CDH4: variants seen among roughly 807,000 people sequenced by gnomAD.
CDH4 encodes cadherin 4.
CDH4 carries 33 observed loss-of-function variants against 86.0 expected under a neutral mutation model. That is an observed-to-expected ratio of 0.38 (90% CI 0.29 to 0.51). The LOEUF is 0.51. Ranked by LOEUF, CDH4 falls within the 20% of genes least tolerant of loss-of-function variation. The probability of loss-of-function intolerance (pLI) is 0.86; values close to 1 mark genes in which losing one functional copy is unlikely to be tolerated. For missense variants in CDH4, 1,114 were observed against 1,307.4 expected (o/e 0.85, Z 2.28); for synonymous variants, 555 against 549.4 (o/e 1.01, Z -0.14).
chr20:61,638,466 G>T (rs1051224582), intron 2 of CDH4, among the ~76,000 whole-genome samples: 2 of 152,160 alleles, frequency 1.3e-5, no homozygotes, highest in African/African-American at 4.8e-5. Context: ...GAACAGAAGA[G>T]CAGGAAGTGT....
rs2087794321 is a variant in CDH4 at position 61,703,174 on chromosome 20, T to C, written c.170-40389T>C. Among the ~76,000 whole-genome samples the C allele has an allele frequency of 2.0e-5, 3 of 152,322 alleles. No individual in the cohort carries two copies. Among genetic ancestry groups the C allele is most frequent in the Middle Eastern group, 3.4e-3 (1 of 294 alleles). On this transcript the variant is annotated intron_variant, in intron 2 of 15. Transcript: ENST00000614565. This position sits in a 1 kb window ranked among gnomAD's most constrained non-coding sequence, Gnocchi z 4.3. ...AAGCTGTGATCAGAAGTGGGGGCTCTTGGACGAGCTCAGAACACACAGGCC... is the reference window on the plus strand; with the variant it reads ...AAGCTGTGATCAGAAGTGGGGGCTCCTGGACGAGCTCAGAACACACAGGCC...
chr20:61,357,799 G>A (rs921432083), intron 2 of CDH4, among the ~76,000 whole-genome samples: 4 of 152,302 alleles, frequency 2.6e-5, no homozygotes, highest in South Asian at 2.1e-4. Context: ...AAGCAGACCC[G>A]TGTGCCAGCC....
intron 3 of CDH4, among the ~76,000 whole-genome samples, chr20:61,748,911 A>G (rs965887749): frequency 2.8e-5 from 2 of 71,648 alleles, no homozygotes; most frequent in African/African-American, 1.5e-4. Context: ...AACAGAATAG[A>G]TGGGCTACAC....
intron 2 of CDH4, among the ~76,000 whole-genome samples, chr20:61,537,293 C>A (rs902564034): frequency 1.3e-5 from 2 of 152,062 alleles, no homozygotes; most frequent in African/African-American, 4.8e-5. Flanking sequence ...TTTACTTATC[C>A]TTCATTGCTT....
At chr20:61,394,597 G>A (rs1357183386) in intron 2 of CDH4, among the ~76,000 whole-genome samples, 2 of 151,726 alleles carry the variant, frequency 1.3e-5, no homozygotes, top group African/African-American at 4.8e-5. Context: ...GGCGGGGTGA[G>A]GACTGCGGCC....
chr20:61,274,390 G>C (rs1251636785), intron 2 of CDH4, among the ~76,000 whole-genome samples: 1 of 89,544 alleles, frequency 1.1e-5, no homozygotes, highest in Non-Finnish European at 2.2e-5. Context: ...GTGCAGTTTG[G>C]GGGGAGTACT....
At chr20:61,588,770 C>T (rs1475229257) in intron 2 of CDH4, among the ~76,000 whole-genome samples, 1 of 152,232 alleles carries the variant, frequency 6.6e-6, no homozygotes, top group East Asian at 1.9e-4. Flanking sequence ...TCCGTTCTGT[C>T]TTTCCCGAGA....
chr20:61,277,048 C>T (rs2123154980), intron 2 of CDH4, among the ~76,000 whole-genome samples: 1 of 152,288 alleles, frequency 6.6e-6, no homozygotes, highest in South Asian at 2.1e-4. Flanking sequence ...GTCACACGCC[C>T]ACCCCCTTCT....
chr20:61,613,730 T>C (rs1400960343), intron 2 of CDH4, among the ~76,000 whole-genome samples: 1 of 152,086 alleles, frequency 6.6e-6, no homozygotes, highest in African/African-American at 2.4e-5. Flanking sequence ...TGCTTTCTAC[T>C]TGAGCCCTTG....
chr20:61,461,247 A>G (rs1340197842), intron 2 of CDH4, among the ~76,000 whole-genome samples: 1 of 152,172 alleles, frequency 6.6e-6, no homozygotes, highest in Non-Finnish European at 1.5e-5. Flanking sequence ...CATCAGCAAG[A>G]AAGACAGCAA....
intron 2 of CDH4, among the ~76,000 whole-genome samples, chr20:61,271,614 C>T (rs1236816995): frequency 6.6e-6 from 1 of 152,228 alleles, no homozygotes; most frequent in Non-Finnish European, 1.5e-5. Flanking sequence ...ACATCCCAAA[C>T]ATCTCCCACG....
intron 2 of CDH4, chr20:61,718,593 G>A (rs2145908858): frequency 2.8e-6 from 1 of 354,946 alleles, no homozygotes; most frequent in Non-Finnish European, 5.6e-6. Context: ...TCACAGGGCA[G>A]AGCGCTGCAG....
chr20:61,443,227 G>T (rs2085323598), intron 2 of CDH4, among the ~76,000 whole-genome samples: 1 of 152,202 alleles, frequency 6.6e-6, no homozygotes, highest in African/African-American at 2.4e-5. Context: ...GTCGCAGAGT[G>T]GTTAATGCTC....
At chr20:61,543,617 G>T in intron 2 of CDH4, among the ~76,000 whole-genome samples, 1 of 152,270 alleles carries the variant, frequency 6.6e-6, no homozygotes, top group South Asian at 2.1e-4. Flanking sequence ...AGCTGATGGC[G>T]CCTTTATGAT....
intron 10 of CDH4, 28 bp downstream of exon 10, chr20:61,923,732 T>C (rs1440105387): frequency 2.5e-5 from 40 of 1,606,274 alleles, no homozygotes; most frequent in Non-Finnish European, 3.3e-5. Context: ...GCCTCGTCCC[T>C]GCCTGCAGCT....
rs563774611 is a variant in CDH4, at chr20:61,770,611, C to T, written c.397-2392C>T. Reference sequence around the variant, plus strand: ...AGGAAACACAGAAAGGGTTCAGGCGCGGTGGCTCACACCTGTAATCCCAGC... The same window carrying T: ...AGGAAACACAGAAAGGGTTCAGGCGTGGTGGCTCACACCTGTAATCCCAGC... On this transcript the variant is annotated intron_variant, in intron 3 of 15. Transcript: ENST00000614565. Among the ~76,000 whole-genome samples, 410 of 152,310 alleles carry T rather than the reference C, an allele frequency of 2.7e-3. 1 individual carries two copies. The highest frequency in any genetic ancestry group is 3.9e-3 in the Non-Finnish European group (266 of 68,026).
chr20:61,712,602 A>G (rs559529596), intron 2 of CDH4, among the ~76,000 whole-genome samples: 2 of 152,146 alleles, frequency 1.3e-5, no homozygotes, highest in African/African-American at 4.8e-5. Flanking sequence ...TAAAGCCTGG[A>G]TCAAATAACT....
intron 2 of CDH4, among the ~76,000 whole-genome samples, chr20:61,677,901 ATGATAGG>A (rs1214068167): frequency 6.6e-6 from 1 of 152,152 alleles, no homozygotes; most frequent in Non-Finnish European, 1.5e-5. Flanking sequence ...TGGATGATAA[ATGATAGG>A]TGATAGATAC....
At chr20:61,571,990 A>C (rs1337960627) in intron 2 of CDH4, among the ~76,000 whole-genome samples, 1 of 152,136 alleles carries the variant, frequency 6.6e-6, no homozygotes, top group East Asian at 1.9e-4. Flanking sequence ...ACAAAAGGTC[A>C]GGAGCTGGGA....
Sources: gnomAD v4.1 joint callset for allele counts (sites outside exome capture counted in the v4.1 genomes callset) on GRCh38, gnomAD v4.1.1 for gene constraint, Gnocchi (gnomAD v3.1) non-coding constraint, MANE v1.5 for transcripts, NCBI Gene and HGNC (gene_info 2026-07-23, HGNC 2026-07-21) for gene names.